The following SLC1A1 variants were observed in gnomAD, a reference collection of about 807,000 sequenced individuals.
The protein encoded by SLC1A1 is solute carrier family 1 member 1.
SLC1A1 carries 43 observed loss-of-function variants against 53.3 expected under a neutral mutation model. The ratio of observed to expected loss-of-function variants is 0.81; its 90% CI spans 0.63 to 1.04. The LOEUF (loss-of-function observed/expected upper bound fraction) is 1.04, where lower values mean the gene tolerates loss of function less well. Ranked by LOEUF, SLC1A1 falls within the 50% of genes least tolerant of loss-of-function variation. The pLI, the probability that SLC1A1 is intolerant of heterozygous loss-of-function variation, is 0.00. For synonymous variants in SLC1A1, 307 were observed against 243.2 expected (o/e 1.26, Z -2.44); for missense variants, 748 against 664.9 (o/e 1.12, Z -1.37).
intron 1 of SLC1A1, among the ~76,000 whole-genome samples, chr9:4,540,915 G>A (rs1816948056): frequency 6.6e-6 from 1 of 152,244 alleles, no homozygotes; most frequent in African/African-American, 2.4e-5. Flanking sequence ...CTTGAAAATA[G>A]GAGAAGTTAA....
intron 2 of SLC1A1, among the ~76,000 whole-genome samples, chr9:4,557,076 G>C (rs1168470539): frequency 2.0e-5 from 3 of 152,158 alleles, no homozygotes; most frequent in Non-Finnish European, 4.4e-5. Context: ...TACCTGCTGA[G>C]GTCCAAGTTT....
At chr9:4,522,483 G>C (rs569146402) in intron 1 of SLC1A1, among the ~76,000 whole-genome samples, 15 of 152,270 alleles carry the variant, frequency 9.9e-5, no homozygotes, top group African/African-American at 3.6e-4. Context: ...GTGTGAGTCA[G>C]TCTTCCTCTT....
chr9:4,539,091 A>G (rs1426974202), intron 1 of SLC1A1, among the ~76,000 whole-genome samples: 1 of 152,204 alleles, frequency 6.6e-6, no homozygotes, highest in African/African-American at 2.4e-5. Flanking sequence ...GAACTACTCT[A>G]TGGCTTTCAT....
At chr9:4,526,103 A>G (rs1342229033) in intron 1 of SLC1A1, among the ~76,000 whole-genome samples, 2 of 152,186 alleles carry the variant, frequency 1.3e-5, no homozygotes, top group East Asian at 1.9e-4. Context: ...TAGGCAACAC[A>G]GTGAGACCCT....
chr9:4,501,058 C>T (rs1820613224), intron 1 of SLC1A1, among the ~76,000 whole-genome samples: 1 of 152,214 alleles, frequency 6.6e-6, no homozygotes, highest in African/African-American at 2.4e-5. Flanking sequence ...ATGCTGAGGT[C>T]ACCACTCCCG....
chr9:4,577,346 A>C (rs6476879), intron 10 of SLC1A1, among the ~76,000 whole-genome samples: 81,206 of 152,040 alleles, frequency 0.53, 22,076 homozygotes, highest in East Asian at 0.65. Flanking sequence ...GCTGGCATAA[A>C]GGATACATAA....
intron 1 of SLC1A1, among the ~76,000 whole-genome samples, chr9:4,507,049 G>C (rs746406181): frequency 1.2e-4 from 19 of 152,080 alleles, no homozygotes; most frequent in Non-Finnish European, 2.1e-4. Context: ...GGATAACATG[G>C]TGAAACCCCC....
At chr9:4,566,424 T>C (rs1459600358) in intron 5 of SLC1A1, among the ~76,000 whole-genome samples, 2 of 152,242 alleles carry the variant, frequency 1.3e-5, no homozygotes, top group Non-Finnish European at 2.9e-5. Context: ...ATAGTATATT[T>C]GTACTGAAGT....
intron 1 of SLC1A1, among the ~76,000 whole-genome samples, chr9:4,540,276 A>G (rs1157460168): frequency 1.3e-5 from 2 of 152,114 alleles, no homozygotes; most frequent in Non-Finnish European, 2.9e-5. Flanking sequence ...ATTGAAAGCC[A>G]TGTTCATCAG....
chr9:4,502,281 G>A (rs921950128), intron 1 of SLC1A1, among the ~76,000 whole-genome samples: 1 of 150,458 alleles, frequency 6.6e-6, no homozygotes, highest in Non-Finnish European at 1.5e-5. Flanking sequence ...CAGCTACTCA[G>A]GGGGCTGAGG....
intron 3 of SLC1A1, among the ~76,000 whole-genome samples, chr9:4,562,973 T>TGGGGG (rs1819107988): frequency 1.7e-5 from 1 of 57,624 alleles, no homozygotes; most frequent in African/African-American, 7.0e-5. Flanking sequence ...TGTTGTGGGG[T>TGGGGG]GGGGGGAGGG....
chr9:4,556,985 C>A lies in SLC1A1; in HGVS notation c.233-4464C>A, dbSNP rs1818458233. Among the ~76,000 whole-genome samples, 1 of 152,138 alleles carries A rather than the reference C, an allele frequency of 6.6e-6. No homozygotes were observed. Among genetic ancestry groups the A allele is most frequent in the African/African-American group, 2.4e-5 (1 of 41,444 alleles). ...TGTTACATGTGTTCCCCTGTGGAGT[C>A]TTTTATGGCTGAAAAGTGTTCTCGT... On this transcript the variant is annotated intron_variant, in intron 2 of 11. Transcript: ENST00000262352. This position sits in a 1 kb window ranked among gnomAD's most constrained non-coding sequence, Gnocchi z 4.1.
At chr9:4,558,614 G>T (rs1299346367) in intron 2 of SLC1A1, among the ~76,000 whole-genome samples, 1 of 152,152 alleles carries the variant, frequency 6.6e-6, no homozygotes, top group African/African-American at 2.4e-5. Flanking sequence ...ACAAGCAGAG[G>T]CACCAGCCCA....
At chr9:4,523,853 G>C (rs1321937191) in intron 1 of SLC1A1, among the ~76,000 whole-genome samples, 1 of 152,186 alleles carries the variant, frequency 6.6e-6, no homozygotes, top group Non-Finnish European at 1.5e-5. Flanking sequence ...AGGAAACAGA[G>C]GCACAGGCTA....
intron 1 of SLC1A1, among the ~76,000 whole-genome samples, chr9:4,494,018 A>G (rs2130788235): frequency 6.6e-6 from 1 of 152,346 alleles, no homozygotes; most frequent in Non-Finnish European, 1.5e-5. Context: ...TTAGGTGACC[A>G]TCTTTTTAAA....
intron 1 of SLC1A1, among the ~76,000 whole-genome samples, chr9:4,527,693 A>C (rs1224578206): frequency 6.6e-6 from 1 of 152,142 alleles, no homozygotes; most frequent in African/African-American, 2.4e-5. Context: ...GCACCTATCC[A>C]ATGCTAATGT....
chr9:4,544,168 C>G (rs1817257455), intron 1 of SLC1A1, among the ~76,000 whole-genome samples: 1 of 151,880 alleles, frequency 6.6e-6, no homozygotes, highest in Admixed American at 6.6e-5. Flanking sequence ...AGAGTGAGAC[C>G]CTGTCTCAAT....
rs1479016358 is a variant in SLC1A1, at chr9:4,556,425, T to G, written c.233-5024T>G. ...TCTGTGCAGATGCCATCACACCTGC[T>G]TAGTTCATTCTCATTTATCACCCCC... On this transcript the variant is annotated intron_variant, in intron 2 of 11. Coordinates refer to ENST00000262352, the MANE Select transcript of SLC1A1 (RefSeq NM_004170.6). This position sits in a 1 kb window ranked among gnomAD's most constrained non-coding sequence, Gnocchi z 4.1. Among the ~76,000 whole-genome samples the G allele has an allele frequency of 6.6e-6, 1 of 152,118 alleles. No homozygotes were observed. The highest frequency in any genetic ancestry group is 1.5e-5 in the Non-Finnish European group (1 of 68,042).
At chr9:4,518,541 G>C (rs145249677) in intron 1 of SLC1A1, among the ~76,000 whole-genome samples, 17 of 152,066 alleles carry the variant, frequency 1.1e-4, no homozygotes, top group African/African-American at 4.1e-4. Flanking sequence ...CTACAGTATG[G>C]TTTTTAAATA....
Sources: gnomAD v4.1 joint callset for allele counts (sites outside exome capture counted in the v4.1 genomes callset) on GRCh38, gnomAD v4.1.1 for gene constraint, Gnocchi (gnomAD v3.1) non-coding constraint, MANE v1.5 for transcripts, NCBI Gene and HGNC (gene_info 2026-07-23, HGNC 2026-07-21) for gene names.